ADCY2: variants seen among roughly 807,000 people sequenced by gnomAD.
ADCY2 encodes adenylate cyclase 2, also known as adenylate cyclase type 2.
In ADCY2, 31 loss-of-function variants were observed where a neutral mutation model predicts 125.2. The ratio of observed to expected loss-of-function variants is 0.25; its 90% CI spans 0.19 to 0.33. ADCY2 has a LOEUF of 0.33. Among genes scored for constraint, ADCY2 ranks in the 10% least tolerant of loss-of-function variants. The probability of loss-of-function intolerance (pLI) is 1.00; values close to 1 mark genes in which losing one functional copy is unlikely to be tolerated. For synonymous variants in ADCY2, 512 were observed against 548.4 expected (o/e 0.93, Z 0.93); for missense variants, 904 against 1,418.2 (o/e 0.64, Z 5.82).
intron 3 of ADCY2, among the ~76,000 whole-genome samples, chr5:7,584,224 A>G (rs2126615927): frequency 6.6e-6 from 1 of 152,246 alleles, no homozygotes; most frequent in East Asian, 1.9e-4. Flanking sequence ...GTCCTAAAAG[A>G]CACAATCCCA....
At chr5:7,538,890 G>A (rs1360099009) in intron 3 of ADCY2, among the ~76,000 whole-genome samples, 2 of 124,760 alleles carry the variant, frequency 1.6e-5, no homozygotes, top group African/African-American at 3.0e-5. Context: ...TTGAGACAGA[G>A]TCTCACTCTG....
chr5:7,500,706 A>G (rs2126502801), intron 2 of ADCY2, among the ~76,000 whole-genome samples: 1 of 152,296 alleles, frequency 6.6e-6, no homozygotes. Flanking sequence ...GACCAGGAGG[A>G]TGATCCGGAA....
chr5:7,676,434 G>A (rs1740129523), intron 4 of ADCY2, among the ~76,000 whole-genome samples: 1 of 151,706 alleles, frequency 6.6e-6, no homozygotes, highest in African/African-American at 2.4e-5. Flanking sequence ...TTCTTTCTTT[G>A]TTCAAAATTG....
intron 4 of ADCY2, among the ~76,000 whole-genome samples, chr5:7,631,820 G>A (rs1269603554): frequency 1.3e-5 from 2 of 152,180 alleles, no homozygotes; most frequent in Non-Finnish European, 2.9e-5. Flanking sequence ...GAACAGAGGA[G>A]TCTGCAGCTT....
At chr5:7,548,395 A>G (rs998767887) in intron 3 of ADCY2, among the ~76,000 whole-genome samples, 9 of 152,118 alleles carry the variant, frequency 5.9e-5, no homozygotes, top group African/African-American at 2.2e-4. Flanking sequence ...ACAGGTATAT[A>G]TATCATAATG....
intron 3 of ADCY2, among the ~76,000 whole-genome samples, chr5:7,603,025 T>TA (rs1411665001): frequency 6.6e-6 from 1 of 152,098 alleles, no homozygotes; most frequent in African/African-American, 2.4e-5. Context: ...GTCACCCTCT[T>TA]AAGGAGGCTG....
intron 19 of ADCY2, among the ~76,000 whole-genome samples, 188 bp downstream of exon 19, chr5:7,784,637 C>A (rs1744028074): frequency 6.6e-6 from 1 of 152,116 alleles, no homozygotes; most frequent in Non-Finnish European, 1.5e-5. Context: ...GGAAAAATAT[C>A]TTTCGTATTT....
chr5:7,583,014 T>A (rs1177574630), intron 3 of ADCY2, among the ~76,000 whole-genome samples: 1 of 152,004 alleles, frequency 6.6e-6, no homozygotes, highest in Non-Finnish European at 1.5e-5. Flanking sequence ...AAGAATACAA[T>A]GTCAATGTAC....
At chr5:7,519,756 T>G (rs1744375410) in intron 2 of ADCY2, among the ~76,000 whole-genome samples, 1 of 152,152 alleles carries the variant, frequency 6.6e-6, no homozygotes, top group African/African-American at 2.4e-5. Flanking sequence ...TCAGAGAAGT[T>G]TTCATCATCC....
chr5:7,529,598 G>A (rs1022914231), intron 3 of ADCY2, among the ~76,000 whole-genome samples: 5 of 152,186 alleles, frequency 3.3e-5, no homozygotes, highest in African/African-American at 7.2e-5. Context: ...TTTGGCCTCA[G>A]GCAGAATCTG....
chr5:7,761,299 A>G (rs6883006), intron 16 of ADCY2, among the ~76,000 whole-genome samples: 150,487 of 151,390 alleles, frequency 0.99, 74,800 homozygotes, highest in East Asian at 1. Context: ...TCAGGCACCC[A>G]CCACTACGCC....
intron 3 of ADCY2, among the ~76,000 whole-genome samples, chr5:7,542,677 A>G (rs1735030353): frequency 2.0e-5 from 3 of 152,238 alleles, no homozygotes; most frequent in South Asian, 4.1e-4. Context: ...AGAAACTGCA[A>G]TGTTGCCCTC....
chr5:7,586,443 T>C (rs1736627697), intron 3 of ADCY2, among the ~76,000 whole-genome samples: 1 of 152,224 alleles, frequency 6.6e-6, no homozygotes. Context: ...CCTGTCTTCC[T>C]TTCCAGATCT....
chr5:7,607,611 A>C (rs1737423218), intron 3 of ADCY2, among the ~76,000 whole-genome samples: 1 of 152,222 alleles, frequency 6.6e-6, no homozygotes, highest in African/African-American at 2.4e-5. Context: ...AACAAATCAG[A>C]ATACGTATTT....
chr5:7,527,927 ATTG>A (rs2126541789), intron 3 of ADCY2, among the ~76,000 whole-genome samples: 1 of 152,302 alleles, frequency 6.6e-6, no homozygotes, highest in East Asian at 1.9e-4. Flanking sequence ...GGAGAGACTA[ATTG>A]TTAGGAATTT....
At chr5:7,773,135 T>C (rs1743607604) in intron 18 of ADCY2, 34 bp downstream of exon 18, 3 of 1,604,128 alleles carry the variant, frequency 1.9e-6, no homozygotes, top group Admixed American at 1.7e-5. Flanking sequence ...CTTACTATAG[T>C]TCTTTCCCAG....
chr5:7,763,561 A>G (rs929081819), intron 16 of ADCY2, among the ~76,000 whole-genome samples: 1 of 152,106 alleles, frequency 6.6e-6, no homozygotes, highest in Non-Finnish European at 1.5e-5. Context: ...TGTCTCCATG[A>G]AACACTCACT....
Position 7,494,130 on chromosome 5 carries a change from A to G in ADCY2, c.409-26608A>G, listed in dbSNP as rs138631143. ...AAGCTGGTGCTGAGCTCTGGTGCTG[A>G]CATGCACCCTGCTTTGCTGGCAGCC... On this transcript the variant is annotated intron_variant, in intron 2 of 24. Coordinates refer to ENST00000338316, the MANE Select transcript of ADCY2 (RefSeq NM_020546.3). 9.1e-3 allele frequency among the ~76,000 whole-genome samples: 1,383 copies of G among 152,204 alleles called. 17 individuals carry two copies. The highest frequency in any genetic ancestry group is 0.031 in the African/African-American group (1,300 of 41,524).
chr5:7,804,542 C>G lies in ADCY2; in HGVS notation c.2776-43C>G, dbSNP rs759526935. 94 of 1,455,678 alleles carry G rather than the reference C, an allele frequency of 6.5e-5. 1 individual carries two copies. Among genetic ancestry groups the G allele is most frequent in the Admixed American group, 4.9e-4 (29 of 59,734 alleles). 90.2% of individuals were successfully genotyped at this position (1,455,678 alleles called of 1,614,324 possible). A position where few individuals can be genotyped will look rare whatever the true frequency, so the allele number is the denominator to read the frequency against. On this transcript the variant is annotated intron_variant, in intron 21 of 24. Coordinates refer to ENST00000338316, the MANE Select transcript of ADCY2 (RefSeq NM_020546.3). ...CTCTATAAAATGCTCAGCTTCAGGTCAGCATCCAGCTGAGTAACTGGACGG... is the reference window on the plus strand; with the variant it reads ...CTCTATAAAATGCTCAGCTTCAGGTGAGCATCCAGCTGAGTAACTGGACGG...
Sources: gnomAD v4.1 joint callset for allele counts (sites outside exome capture counted in the v4.1 genomes callset) on GRCh38, gnomAD v4.1.1 for gene constraint, MANE v1.5 for transcripts, NCBI Gene and HGNC (gene_info 2026-07-23, HGNC 2026-07-21) for gene names.